The following RUVBL1 variants were observed in gnomAD, a reference collection of about 807,000 sequenced individuals.
RUVBL1 encodes RuvB like AAA ATPase 1.
A neutral mutation model predicts 52.4 loss-of-function variants in RUVBL1; 4 were observed. The ratio of observed to expected loss-of-function variants is 0.08; its 90% CI spans 0.04 to 0.17. The LOEUF (loss-of-function observed/expected upper bound fraction) is 0.17. RUVBL1 is among the 10% of genes least tolerant of loss of function. The probability of loss-of-function intolerance (pLI) is 1.00; values close to 1 mark genes in which losing one functional copy is unlikely to be tolerated. For synonymous variants in RUVBL1, 217 were observed against 214.4 expected, an observed-to-expected ratio of 1.01 and a Z score of -0.10; for missense variants, 298 against 572.8, an observed-to-expected ratio of 0.52 and a Z score of 4.90.
At chr3:128,110,107 G>A (rs915645560) in intron 3 of RUVBL1, among the ~76,000 whole-genome samples, 1 of 152,004 alleles carries the variant, frequency 6.6e-6, no homozygotes, top group African/African-American at 2.4e-5. Context: ...ATGAGCCACC[G>A]CACTCGGCCT....
rs927102668 is a variant in RUVBL1 at position 128,081,133 on chromosome 3, G to A, written c.*117C>T. 3 of 965,536 alleles carry A rather than the reference G, an allele frequency of 3.1e-6. No homozygotes were observed. The highest frequency in any genetic ancestry group is 3.1e-6 in the Non-Finnish European group (2 of 642,004). The allele number at this position is 965,536 out of a possible 1,614,324, so 59.8% of individuals were successfully genotyped here. On this transcript the variant is annotated 3_prime_UTR_variant, in exon 11 of 11. Coordinates refer to ENST00000322623, the MANE Select transcript of RUVBL1 (RefSeq NM_003707.3). This position sits in a 1 kb window ranked among gnomAD's most constrained non-coding sequence, Gnocchi z 4.8. ...ATGCTTTCCACACTGAACTGACAGCGCTGCAGACCACGCCTGAGTGGGGAC... is the reference window on the plus strand; with the variant it reads ...ATGCTTTCCACACTGAACTGACAGCACTGCAGACCACGCCTGAGTGGGGAC...
At chr3:128,143,318 A>G (rs1303361445) in intron 1 of RUVBL1, among the ~76,000 whole-genome samples, 1 of 151,968 alleles carries the variant, frequency 6.6e-6, no homozygotes, top group East Asian at 1.9e-4. Flanking sequence ...GACTACAGGC[A>G]TGGGCCACTA....
chr3:128,132,202 A>T (rs757905060), intron 1 of RUVBL1, among the ~76,000 whole-genome samples: 12 of 152,232 alleles, frequency 7.9e-5, no homozygotes, highest in Non-Finnish European at 1.8e-4. Context: ...GACAAGCCCT[A>T]GCCAGAGGGG....
rs1418943229 is a variant in RUVBL1 at position 128,104,818 on chromosome 3, A to G, written c.468T>C (p.His156=). ...PMGGYGKTIS[H]VIIGLKTAKG... ...TGGCTGTTTTGAGTCCTATGATCAC[A>G]TGGCTAATGGTTTTGCCATATCCTC... Residue 156 remains histidine, a synonymous_variant, in exon 4 of 11, where the codon CAT becomes CAC. Coordinates refer to ENST00000322623, the MANE Select transcript of RUVBL1 (RefSeq NM_003707.3). 6.2e-7 allele frequency: 1 copy of G among 1,613,344 alleles called. No homozygotes were observed. The highest frequency in any genetic ancestry group is 8.5e-7 in the Non-Finnish European group (1 of 1,179,318).
chr3:128,152,634 T>C (rs1944239897), intron 1 of RUVBL1, among the ~76,000 whole-genome samples: 1 of 152,148 alleles, frequency 6.6e-6, no homozygotes, highest in African/African-American at 2.4e-5. Context: ...AAGATCTTGC[T>C]GAAATGTATG....
intron 3 of RUVBL1, among the ~76,000 whole-genome samples, chr3:128,112,445 C>T (rs1943416601): frequency 6.6e-6 from 1 of 152,190 alleles, no homozygotes. Context: ...CTCTGCCAGT[C>T]CCCACTCCTC....
At chr3:128,100,831 A>G (rs1943093435) in intron 5 of RUVBL1, 87 bp from the exon 6 acceptor site, 2 of 1,488,030 alleles carry the variant, frequency 1.3e-6, no homozygotes, top group Non-Finnish European at 1.8e-6. Context: ...TAAAGGTCTC[A>G]GTTCCCACTG....
chr3:128,125,075 C>A (rs1199701404), upstream of RUVBL1, among the ~76,000 whole-genome samples: 1 of 116,298 alleles, frequency 8.6e-6, no homozygotes, highest in Non-Finnish European at 1.6e-5. Flanking sequence ...AGTGCAGTGG[C>A]GCAATCTCGG....
upstream of RUVBL1, among the ~76,000 whole-genome samples, chr3:128,125,005 C>CCT (rs1553730742): frequency 4.9e-5 from 3 of 61,352 alleles, no homozygotes; most frequent in South Asian, 8.3e-4. Flanking sequence ...CTCACACCGC[C>CCT]TTTTTTTTTT....
intron 1 of RUVBL1, among the ~76,000 whole-genome samples, chr3:128,152,894 A>C (rs1001051104): frequency 0.033 from 853 of 25,668 alleles, no homozygotes; most frequent in African/African-American, 0.038. Flanking sequence ...CCCCTCCCCC[A>C]CGTCCCCCCG....
chr3:128,068,407 G>A (rs1942049064), intron 9 of RUVBL1, among the ~76,000 whole-genome samples: 2 of 152,200 alleles, frequency 1.3e-5, no homozygotes, highest in Admixed American at 1.3e-4. Flanking sequence ...GCTGAAGAGA[G>A]CGCCCTGGAG....
At chr3:128,091,602 A>G (rs34403909) in intron 8 of RUVBL1, among the ~76,000 whole-genome samples, 21,536 of 152,220 alleles carry the variant, frequency 0.14, 1,727 homozygotes, top group African/African-American at 0.21. Context: ...CAAGACAAAT[A>G]TACTTCTGGA....
At chr3:128,104,732 T>A in intron 4 of RUVBL1, 41 bp downstream of exon 4, 1 of 1,566,974 alleles carries the variant, frequency 6.4e-7, no homozygotes, top group Non-Finnish European at 8.7e-7. Flanking sequence ...CACACAGTGC[T>A]GGGAGAGTCA....
intron 1 of RUVBL1, among the ~76,000 whole-genome samples, chr3:128,128,882 C>T (rs1943835953): frequency 6.6e-6 from 1 of 152,202 alleles, no homozygotes; most frequent in African/African-American, 2.4e-5. Flanking sequence ...TCTTTACTAT[C>T]TGGGTCTCAG....
rs899587116 is a variant in RUVBL1, at chr3:128,081,745, A to C, written c.1212-336T>G. The C allele has an allele frequency of 5.5e-5, 12 of 218,500 alleles. No individual in the cohort carries two copies. In the East Asian group the frequency reaches 1.1e-3, roughly 20 times the overall value. 13.5% of individuals were successfully genotyped at this position (218,500 alleles called of 1,614,324 possible). On this transcript the variant is annotated intron_variant, in intron 10 of 10. Transcript: ENST00000322623. The surrounding 1 kb of genome is among the most constrained non-coding windows in gnomAD (Gnocchi z 4.8). ...GTATACAGGTGTCCGACAGATAGGG[A>C]TATTTAACATGGCAGGGAAATGAAA...
chr3:128,131,434 C>T (rs28888071), intron 1 of RUVBL1, among the ~76,000 whole-genome samples: 16,685 of 152,072 alleles, frequency 0.11, 2,297 homozygotes, highest in East Asian at 0.36. Flanking sequence ...GCCAAGATCA[C>T]GTCACTGCAC....
Position 128,097,295 on chromosome 3 carries a change from C to A in RUVBL1, c.1016+5G>T, listed in dbSNP as rs746619920. On this transcript the variant is annotated splice_donor_5th_base_variant and intron_variant, in intron 8 of 10. Transcript: ENST00000322623. Reference sequence around the variant, plus strand: ...AGCCTTGTGGCTGGCAGGCAGCCATCCTACCTGATGACACAGTTGCCTCGG... The same window carrying A: ...AGCCTTGTGGCTGGCAGGCAGCCATACTACCTGATGACACAGTTGCCTCGG... 1 of 1,613,414 alleles carries A rather than the reference C, an allele frequency of 6.2e-7. No individual in the cohort carries two copies. The highest frequency in any genetic ancestry group is 8.5e-7 in the Non-Finnish European group (1 of 1,179,636).
At chr3:128,079,657 A>G (rs1576437293), downstream of RUVBL1, among the ~76,000 whole-genome samples, 1 of 152,320 alleles carries the variant, frequency 6.6e-6, no homozygotes, top group Middle Eastern at 3.4e-3. Context: ...ACTGCTGTGC[A>G]TGCCAGTGTC....
intron 1 of RUVBL1, among the ~76,000 whole-genome samples, chr3:128,148,088 G>T (rs1050875982): frequency 1.3e-5 from 2 of 151,814 alleles, no homozygotes. Flanking sequence ...TCTGCCAGAG[G>T]TTAAAGGTGT....
Sources: gnomAD v4.1 joint callset for allele counts (sites outside exome capture counted in the v4.1 genomes callset) on GRCh38, gnomAD v4.1.1 for gene constraint, Gnocchi (gnomAD v3.1) non-coding constraint, MANE v1.5 for transcripts, NCBI Gene and HGNC (gene_info 2026-07-23, HGNC 2026-07-21) for gene names.